Variants in ANO6 observed in about 807,000 individuals in gnomAD.
ANO6 encodes anoctamin-6.
A neutral mutation model predicts 117.5 loss-of-function variants in ANO6; 106 were observed. The ratio of observed to expected loss-of-function variants is 0.90; its 90% CI spans 0.77 to 1.06. The LOEUF is 1.06. Among genes scored for constraint, ANO6 ranks in the 50% least tolerant of loss-of-function variants. The pLI is 0.00. For missense variants in ANO6, 955 were observed against 1,121.1 expected (o/e 0.85, Z 2.12); for synonymous variants, 367 against 385.1 (o/e 0.95, Z 0.55).
At position 45,429,714 on chromosome 12, in the gene ANO6, A is replaced by AG; in HGVS notation, c.*404dup. 9.0e-7 allele frequency: 1 copy of AG among 1,109,066 alleles called. No homozygotes were observed. Among genetic ancestry groups the AG allele is most frequent in the Non-Finnish European group, 1.1e-6 (1 of 905,796 alleles). 68.7% of individuals were successfully genotyped at this position (1,109,066 alleles called of 1,614,324 possible). A position where few individuals can be genotyped will look rare whatever the true frequency, so the allele number is the denominator to read the frequency against. On this transcript the variant is annotated 3_prime_UTR_variant, in exon 20 of 20. Transcript: ENST00000320560. ...CCATGTTTCATTTCTTCACTTGGCT[A>AG]GATCTGTTCCAGGGTCATCTTTTCC...
intron 1 of ANO6, among the ~76,000 whole-genome samples, chr12:45,278,145 C>T (rs1364920480): frequency 6.6e-6 from 1 of 151,864 alleles, no homozygotes; most frequent in Non-Finnish European, 1.5e-5. Flanking sequence ...TTTGTAGAGA[C>T]AGGGTCTCTC....
intron 19 of ANO6, among the ~76,000 whole-genome samples, chr12:45,439,042 C>G (rs1943740313): frequency 6.6e-6 from 1 of 152,154 alleles, no homozygotes; most frequent in Non-Finnish European, 1.5e-5. Context: ...TTAAGAATGA[C>G]AGTTGCTTGC....
chr12:45,370,778 G>A (rs1274477622), intron 9 of ANO6, among the ~76,000 whole-genome samples: 1 of 152,188 alleles, frequency 6.6e-6, no homozygotes, highest in African/African-American at 2.4e-5. Context: ...AGGAGTAGGT[G>A]GAAAGGATTG....
chr12:45,331,268 T>C, intron 2 of ANO6, 27 bp from the exon 3 acceptor site: 4 of 1,585,348 alleles, frequency 2.5e-6, no homozygotes, highest in Non-Finnish European at 3.4e-6. Flanking sequence ...AATTATATAT[T>C]ACAATTTGTT....
At position 45,316,693 on chromosome 12, in the gene ANO6, A is replaced by G. The variant is rs553995568; in HGVS notation, c.150+14600A>G. On this transcript the variant is annotated intron_variant, in intron 2 of 19. Coordinates refer to ENST00000320560, the MANE Select transcript of ANO6 (RefSeq NM_001025356.3). ...TGGCTCACTTTCTTAGGTGTTATAG[A>G]TTAAAAGTAAGTATTTTTTCCTTCA... 3.9e-5 allele frequency among the ~76,000 whole-genome samples: 6 copies of G among 152,124 alleles called. No homozygotes were observed. The East Asian group carries it at 1.2e-3, about 29-fold the overall frequency.
intron 10 of ANO6, among the ~76,000 whole-genome samples, chr12:45,385,626 C>G (rs932673112): frequency 2.0e-5 from 3 of 152,090 alleles, no homozygotes; most frequent in South Asian, 2.1e-4. Flanking sequence ...CAAGACCAGC[C>G]AGTCACATGT....
At chr12:45,287,230 T>C (rs1464477914) in intron 1 of ANO6, among the ~76,000 whole-genome samples, 1 of 152,168 alleles carries the variant, frequency 6.6e-6, no homozygotes, top group African/African-American at 2.4e-5. Context: ...AACAGAGAGC[T>C]GAATAATGTG....
At chr12:45,291,458 A>G (rs1414872388) in intron 1 of ANO6, among the ~76,000 whole-genome samples, 1 of 152,062 alleles carries the variant, frequency 6.6e-6, no homozygotes, top group Admixed American at 6.6e-5. Context: ...TTAAAAATAG[A>G]TAACGGGACT....
At chr12:45,345,704 G>T (rs1257073149) in intron 3 of ANO6, among the ~76,000 whole-genome samples, 1 of 152,142 alleles carries the variant, frequency 6.6e-6, no homozygotes, top group African/African-American at 2.4e-5. Context: ...GAAAAATGAG[G>T]CATGGAGAGT....
chr12:45,363,883 C>T (rs1329616888), intron 8 of ANO6, among the ~76,000 whole-genome samples: 1 of 152,182 alleles, frequency 6.6e-6, no homozygotes, highest in East Asian at 1.9e-4. Flanking sequence ...GCCTTCCCAG[C>T]CATGTGGAAC....
At chr12:45,260,117 A>C (rs890484510) in intron 1 of ANO6, among the ~76,000 whole-genome samples, 1 of 152,222 alleles carries the variant, frequency 6.6e-6, no homozygotes, top group African/African-American at 2.4e-5. Context: ...AAAATGGCTG[A>C]TTTTTGAAAG....
chr12:45,242,506 A>C (rs547060172), intron 1 of ANO6, among the ~76,000 whole-genome samples: 13 of 152,280 alleles, frequency 8.5e-5, no homozygotes, highest in Non-Finnish European at 1.6e-4. Context: ...GGAAAGGGAA[A>C]TCCCCCGACC....
chr12:45,265,584 A>G (rs77344245), intron 1 of ANO6, among the ~76,000 whole-genome samples: 2,216 of 152,228 alleles, frequency 0.015, 43 homozygotes, highest in East Asian at 0.068. Context: ...TATGATGCCT[A>G]TTTTACAGAT....
chr12:45,284,578 C>G (rs1015316184), intron 1 of ANO6, among the ~76,000 whole-genome samples: 2 of 152,172 alleles, frequency 1.3e-5, no homozygotes, highest in Non-Finnish European at 2.9e-5. Context: ...CGTCCAACTC[C>G]CAGCCAGGCT....
chr12:45,397,689 C>T (rs1942660539), intron 12 of ANO6, among the ~76,000 whole-genome samples: 1 of 152,134 alleles, frequency 6.6e-6, no homozygotes. Context: ...GTTGCAGGGA[C>T]ATGGATGAAG....
Position 45,440,093 on chromosome 12 carries a change from G to A in ANO6, c.*155G>A, listed in dbSNP as rs568105715. 7.4e-5 allele frequency: 52 copies of A among 700,924 alleles called. No homozygotes were observed. The African/African-American group carries it at 8.5e-4, about 11-fold the overall frequency. 43.4% of individuals were successfully genotyped at this position (700,924 alleles called of 1,614,324 possible). ...TTTTCCTCTAAATCGTATTTGAGCT[G>A]CAACCCACAAGCTTTTATATGTATA... On this transcript the variant is annotated 3_prime_UTR_variant, in exon 20 of 20. Coordinates refer to the ANO6 transcript ENST00000425752.
intron 8 of ANO6, 122 bp from the exon 9 acceptor site, chr12:45,367,566 G>C (rs1282091484): frequency 2.8e-6 from 2 of 722,682 alleles, no homozygotes; most frequent in Non-Finnish European, 4.5e-6. Context: ...TGTAACAGAA[G>C]TTCACTTCTG....
chr12:45,418,332 A>G (rs1943266396), intron 17 of ANO6, among the ~76,000 whole-genome samples: 1 of 152,122 alleles, frequency 6.6e-6, no homozygotes, highest in Non-Finnish European at 1.5e-5. Context: ...ACAAAAACCA[A>G]CTACTGGGGT....
chr12:45,378,718 A>T (rs1400196941), intron 10 of ANO6, among the ~76,000 whole-genome samples: 1 of 152,166 alleles, frequency 6.6e-6, no homozygotes, highest in Non-Finnish European at 1.5e-5. Flanking sequence ...GATTTGTTGG[A>T]AGCCATTATT....
Sources: allele counts gnomAD v4.1 joint callset (sites outside exome capture counted in the v4.1 genomes callset), GRCh38; gene constraint gnomAD v4.1.1; transcripts MANE v1.5; gene names NCBI Gene and HGNC (gene_info 2026-07-23, HGNC 2026-07-21).